PPP6R2: variants seen among roughly 807,000 people sequenced by gnomAD.
The protein encoded by PPP6R2 is protein phosphatase 6 regulatory subunit 2, also known as serine/threonine-protein phosphatase 6 regulatory subunit 2.
In PPP6R2, 62 loss-of-function variants were observed where a neutral mutation model predicts 100.2. That is an observed-to-expected ratio of 0.62 (90% confidence interval 0.50 to 0.76). PPP6R2 has a LOEUF of 0.76. Among genes scored for constraint, PPP6R2 ranks in the 30% least tolerant of loss-of-function variants. PPP6R2 has a pLI of 0.00. For synonymous variants in PPP6R2, 525 were observed against 514.7 expected, an observed-to-expected ratio of 1.02 and a Z score of -0.27; for missense variants, 1,142 against 1,276.3, an observed-to-expected ratio of 0.89 and a Z score of 1.60.
At chr22:50,405,325 GAGGCCTGGCAGGCGAGTGTGA>G (rs2058680613) in intron 3 of PPP6R2, among the ~76,000 whole-genome samples, 8 of 146,312 alleles carry the variant, frequency 5.5e-5, no homozygotes, top group Non-Finnish European at 1.1e-4. Context: ...AGAGAGGTGA[GAGGCCTGGCAGGCGAGTGTGA>G]AGGCCTGGAG....
intron 2 of PPP6R2, among the ~76,000 whole-genome samples, chr22:50,374,473 T>A (rs1424697578): frequency 1.3e-5 from 2 of 152,198 alleles, no homozygotes; most frequent in East Asian, 3.8e-4. Context: ...GTAGTAAATA[T>A]GTAGCTGGAA....
intron 1 of PPP6R2, among the ~76,000 whole-genome samples, chr22:50,368,044 GAA>G (rs1183341859): frequency 6.6e-6 from 1 of 152,222 alleles, no homozygotes; most frequent in African/African-American, 2.4e-5. Flanking sequence ...GACAGAGAGA[GAA>G]GAGCTTACGT....
intron 1 of PPP6R2, among the ~76,000 whole-genome samples, chr22:50,356,060 T>G (rs543525963): frequency 6.6e-6 from 1 of 151,574 alleles, no homozygotes; most frequent in East Asian, 2.0e-4. Context: ...CCTCCCAGGT[T>G]CATGCCATTC....
rs60172550 is a variant in PPP6R2 at position 50,414,703 on chromosome 22, T to TC, written c.552+22dup. 3.7e-4 allele frequency: 591 copies of TC among 1,604,814 alleles called. No homozygotes were observed. Among genetic ancestry groups the TC allele is most frequent in the Middle Eastern group, 1.6e-3 (7 of 4,484 alleles). ...GACGTCCTGCACGTGAGTGCGGGAG[T>TC]CCCCCCCCGTTCCCGAGGGCAGGGG... On this transcript the variant is annotated intron_variant, in intron 5 of 23. Coordinates refer to ENST00000612753, the MANE Select transcript of PPP6R2 (RefSeq NM_001242898.2).
intron 4 of PPP6R2, among the ~76,000 whole-genome samples, chr22:50,410,573 T>G: frequency 6.7e-6 from 1 of 149,568 alleles, no homozygotes; most frequent in Non-Finnish European, 1.5e-5. Context: ...ACCTCCTGGG[T>G]TCAAGCGATT....
At chr22:50,381,145 C>T (rs1487789417) in intron 2 of PPP6R2, among the ~76,000 whole-genome samples, 1 of 149,698 alleles carries the variant, frequency 6.7e-6, no homozygotes, top group African/African-American at 2.5e-5. Flanking sequence ...AACTCAGTTA[C>T]TCCCTCAAGA....
At chr22:50,437,483 C>A (rs199546648) in intron 15 of PPP6R2, 23 bp from the exon 16 acceptor site, 2 of 735,004 alleles carry the variant, frequency 2.7e-6, no homozygotes, top group African/African-American at 1.9e-5. Flanking sequence ...CTGTCCGTCC[C>A]TCCCTCCCTC....
rs2058083419 is a variant in PPP6R2, at chr22:50,401,768, G to A, written c.228-4921G>A. Among the ~76,000 whole-genome samples, 3 of 151,080 alleles carry A rather than the reference G, an allele frequency of 2.0e-5. No homozygotes were observed. The South Asian group carries it at 6.3e-4, about 32-fold the overall frequency. ...CGCCATTCTCCTGCCTCAGCCTCTT[G>A]AGTACAGGCGCCTGCCACCACGCCC... On this transcript the variant is annotated intron_variant, in intron 3 of 23. Transcript: ENST00000612753.
chr22:50,375,330 C>A (rs545850361), intron 2 of PPP6R2, among the ~76,000 whole-genome samples: 1 of 152,110 alleles, frequency 6.6e-6, no homozygotes, highest in Non-Finnish European at 1.5e-5. Context: ...CAAAATCTAA[C>A]TGAAAATAAC....
intron 22 of PPP6R2, among the ~76,000 whole-genome samples, chr22:50,441,387 G>A (rs547995592): frequency 6.6e-6 from 1 of 152,318 alleles, no homozygotes; most frequent in East Asian, 1.9e-4. Flanking sequence ...CCCAGCTCTT[G>A]GGGCTCTGGG....
At chr22:50,382,641 C>T (rs1461753568) in intron 2 of PPP6R2, among the ~76,000 whole-genome samples, 1 of 151,802 alleles carries the variant, frequency 6.6e-6, no homozygotes, top group Admixed American at 6.6e-5. Context: ...TGTGTAAAAC[C>T]TTTATGGAGA....
chr22:50,425,542 A>G (rs910994553), intron 10 of PPP6R2, among the ~76,000 whole-genome samples: 3 of 152,250 alleles, frequency 2.0e-5, no homozygotes, highest in African/African-American at 4.8e-5. Context: ...CTATGAGGCC[A>G]GGTCATGTGA....
In PPP6R2 at chr22:50,438,031, C is replaced by T. The variant is rs563861144; in HGVS notation, c.1839+131C>T. The T allele has an allele frequency of 1.6e-4, 232 of 1,489,040 alleles. No individual in the cohort carries two copies. The African/African-American group carries it at 2.4e-3, about 15-fold the overall frequency. 92.2% of individuals were successfully genotyped at this position (1,489,040 alleles called of 1,614,324 possible). ...GCCCCTCTGTGGAGCTCGGAACAGT[C>T]GCTTTCCTTGCCCCTCCCCGTCCTC... On this transcript the variant is annotated intron_variant, in intron 17 of 23. Coordinates refer to ENST00000612753, the MANE Select transcript of PPP6R2 (RefSeq NM_001242898.2).
chr22:50,428,375 G>GCT (rs2062570322), intron 10 of PPP6R2, among the ~76,000 whole-genome samples: 1 of 152,034 alleles, frequency 6.6e-6, no homozygotes, highest in African/African-American at 2.4e-5. Flanking sequence ...TCATTTATTA[G>GCT]CTCTAGCAAT....
At chr22:50,370,477 T>C (rs141515200) in intron 1 of PPP6R2, among the ~76,000 whole-genome samples, 7,851 of 150,742 alleles carry the variant, frequency 0.052, 234 homozygotes, top group East Asian at 0.096. Context: ...TTAGTAGAGA[T>C]GGGGTTTCAC....
intron 3 of PPP6R2, among the ~76,000 whole-genome samples, chr22:50,399,440 T>G (rs555627602): frequency 6.6e-6 from 1 of 152,362 alleles, no homozygotes; most frequent in East Asian, 1.9e-4. Flanking sequence ...GCTTCGCGAC[T>G]CTGCTATCCT....
rs1397491081 is a variant in PPP6R2 at position 50,444,518 on chromosome 22, AGGAGCC to A, written c.*274_*279del. 7.1e-6 allele frequency: 1 copy of A among 140,824 alleles called. No homozygotes were observed. The highest frequency in any genetic ancestry group is 4.7e-5 in the African/African-American group (1 of 21,116). 8.7% of individuals were successfully genotyped at this position (140,824 alleles called of 1,614,324 possible). A position where few individuals can be genotyped will look rare whatever the true frequency, so the allele number is the denominator to read the frequency against. Reference sequence around the variant, plus strand: ...GAGCACAGCAATAAGGTCGGCCTGCAGGAGCCGGGGTGGGGGTGGGGGTGGGGGGGG... The same window carrying A: ...GAGCACAGCAATAAGGTCGGCCTGCAGGGGTGGGGGTGGGGGTGGGGGGGG... On this transcript the variant is annotated 3_prime_UTR_variant, in exon 24 of 24. Coordinates refer to ENST00000612753, the MANE Select transcript of PPP6R2 (RefSeq NM_001242898.2).
intron 2 of PPP6R2, among the ~76,000 whole-genome samples, chr22:50,372,966 C>T (rs140511926): frequency 0.075 from 11,404 of 152,046 alleles, 1,146 homozygotes; most frequent in African/African-American, 0.23. Flanking sequence ...GGATAGCAGG[C>T]GTGAGCCACC....
upstream of PPP6R2, among the ~76,000 whole-genome samples, chr22:50,339,407 G>A (rs2042343058): frequency 7.7e-6 from 1 of 129,550 alleles, no homozygotes; most frequent in South Asian, 2.5e-4. Flanking sequence ...GGTATGTGGT[G>A]TGTGTGTAGG....
Sources: allele counts gnomAD v4.1 joint callset (sites outside exome capture counted in the v4.1 genomes callset), GRCh38; gene constraint gnomAD v4.1.1; transcripts MANE v1.5; gene names NCBI Gene and HGNC (gene_info 2026-07-23, HGNC 2026-07-21).